Variants in CFTR observed in about 807,000 individuals in gnomAD.
The protein encoded by CFTR is CF transmembrane conductance regulator.
CFTR carries 181 observed loss-of-function variants against 171.6 expected under a neutral mutation model. The ratio of observed to expected loss-of-function variants is 1.05; its 90% CI spans 0.93 to 1.19. The LOEUF (loss-of-function observed/expected upper bound fraction) is 1.19. Among genes scored for constraint, CFTR ranks in the 50% most tolerant of loss-of-function variants. The pLI, the probability that CFTR is intolerant of heterozygous loss-of-function variation, is 0.00. For missense variants in CFTR, 1,968 were observed against 1,734.7 expected (o/e 1.13, Z -2.39); for synonymous variants, 583 against 608.0 (o/e 0.96, Z 0.60).
intron 23 of CFTR, among the ~76,000 whole-genome samples, chr7:117,647,101 G>T (rs1380570829): frequency 6.6e-6 from 1 of 151,956 alleles, no homozygotes; most frequent in Non-Finnish European, 1.5e-5. Context: ...TAGCTACTTT[G>T]TTCTAACTAA....
intron 1 of CFTR, among the ~76,000 whole-genome samples, chr7:117,487,368 A>G (rs1197677045): frequency 6.6e-6 from 1 of 152,124 alleles, no homozygotes; most frequent in Non-Finnish European, 1.5e-5. Context: ...CTTAGAAATT[A>G]TACTTAGAAC....
rs1183713090 is a variant in CFTR, at chr7:117,537,893, T to C, written c.869+1220T>C. ...TCACACTTGCTCTCTGCATTACTCC[T>C]CTGCCTGCAAACACATATATAGCAA... On this transcript the variant is annotated intron_variant, in intron 7 of 26. Transcript: ENST00000003084. Among the ~76,000 whole-genome samples, 3 of 152,170 alleles carry C rather than the reference T, an allele frequency of 2.0e-5. No individual in the cohort carries two copies. The East Asian group carries it at 5.8e-4, about 29-fold the overall frequency.
At chr7:117,650,520 A>G (rs1240075740) in intron 23 of CFTR, among the ~76,000 whole-genome samples, 1 of 151,946 alleles carries the variant, frequency 6.6e-6, no homozygotes, top group Non-Finnish European at 1.5e-5. Context: ...CATCTTTGCA[A>G]GCCACATTGC....
rs1798909647 is a variant in CFTR, at chr7:117,534,251, A to G, written c.490-25A>G. 9.0e-7 allele frequency: 1 copy of G among 1,110,960 alleles called. No individual in the cohort carries two copies. Among genetic ancestry groups the G allele is most frequent in the Middle Eastern group, 2.1e-4 (1 of 4,838 alleles). 68.8% of individuals were successfully genotyped at this position (1,110,960 alleles called of 1,614,324 possible). A position where few individuals can be genotyped will look rare whatever the true frequency, so the allele number is the denominator to read the frequency against. ...TATTTGTATTTTGTTTGTTGAAATT[A>G]TCTAACTTTCCATTTTTCTTTTAGA... On this transcript the variant is annotated intron_variant, in intron 4 of 26. Coordinates refer to ENST00000003084, the MANE Select transcript of CFTR (RefSeq NM_000492.4).
At chr7:117,570,319 T>A (rs1322577925) in intron 11 of CFTR, among the ~76,000 whole-genome samples, 6 of 152,166 alleles carry the variant, frequency 3.9e-5, no homozygotes, top group African/African-American at 1.4e-4. Flanking sequence ...TTTTACAGCA[T>A]TCTAGCTATA....
At chr7:117,631,092 C>A (rs1792737122) in intron 22 of CFTR, among the ~76,000 whole-genome samples, 1 of 152,086 alleles carries the variant, frequency 6.6e-6, no homozygotes. Context: ...CCCACCTCAT[C>A]CTCCCAAAGT....
At chr7:117,619,760 A>G (rs1199144456) in intron 21 of CFTR, among the ~76,000 whole-genome samples, 1 of 152,334 alleles carries the variant, frequency 6.6e-6, no homozygotes, top group East Asian at 1.9e-4. Context: ...TGAGCAGGGA[A>G]GGCAATGAGT....
intron 11 of CFTR, among the ~76,000 whole-genome samples, chr7:117,560,129 A>T (rs908191004): frequency 6.6e-6 from 1 of 152,132 alleles, no homozygotes; most frequent in African/African-American, 2.4e-5. Context: ...GAGGGGTAAA[A>T]TTGTGAAGAT....
rs776878618 is a variant in CFTR at position 117,530,958 on chromosome 7, G to A, written c.333G>A (p.Pro111=). Residue 111 remains proline, a synonymous_variant, in exon 4 of 27, where the codon CCG becomes CCA. Coordinates refer to ENST00000003084, the MANE Select transcript of CFTR (RefSeq NM_000492.4). ...LLGRIIASYD[P]DNKEERSIAI... ...GAAGAATCATAGCTTCCTATGACCC[G>A]GATAACAAGGAGGAACGCTCTATCG... 9.3e-6 allele frequency: 15 copies of A among 1,613,626 alleles called. No homozygotes were observed. In the South Asian group the frequency reaches 1.2e-4, roughly 13 times the overall value.
chr7:117,635,870 A>G (rs1486118592), intron 22 of CFTR, among the ~76,000 whole-genome samples: 1 of 152,120 alleles, frequency 6.6e-6, no homozygotes, highest in Non-Finnish European at 1.5e-5. Flanking sequence ...TTTTGAAAAA[A>G]CTGTTATCGT....
intron 10 of CFTR, among the ~76,000 whole-genome samples, chr7:117,552,666 G>A (rs1295267539): frequency 6.6e-6 from 1 of 151,948 alleles, no homozygotes; most frequent in African/African-American, 2.4e-5. Context: ...AGCCAATCCA[G>A]GTAACTTTTT....
chr7:117,598,984 A>G (rs938649311), intron 15 of CFTR, among the ~76,000 whole-genome samples: 3 of 152,184 alleles, frequency 2.0e-5, no homozygotes, highest in African/African-American at 7.2e-5. Flanking sequence ...ATAAAACTTG[A>G]GATAGTATGA....
intron 20 of CFTR, among the ~76,000 whole-genome samples, chr7:117,613,379 A>G (rs1467503834): frequency 6.6e-6 from 1 of 152,130 alleles, no homozygotes; most frequent in Non-Finnish European, 1.5e-5. Context: ...CCACCCAGCT[A>G]TTATTATCCC....
Position 117,577,494 on chromosome 7 carries a change from T to TC in CFTR, c.1585-10243dup, listed in dbSNP as rs568818759. Among the ~76,000 whole-genome samples, 131 of 152,286 alleles carry TC rather than the reference T, an allele frequency of 8.6e-4. 2 individuals carry two copies. The South Asian group carries it at 0.025, about 29-fold the overall frequency. On this transcript the variant is annotated intron_variant, in intron 11 of 26. Coordinates refer to ENST00000003084, the MANE Select transcript of CFTR (RefSeq NM_000492.4). ...TATTAACTGAGGAAAAAAAGGGCTT[T>TC]CCTGAATTTTGCAGTCATGGGATAT...
intron 3 of CFTR, among the ~76,000 whole-genome samples, chr7:117,513,023 A>G (rs1264797630): frequency 6.6e-6 from 1 of 152,160 alleles, no homozygotes; most frequent in East Asian, 1.9e-4. Flanking sequence ...TTGGATGAAA[A>G]CATTGGGTAG....
intron 22 of CFTR, among the ~76,000 whole-genome samples, chr7:117,639,797 A>C (rs1291921540): frequency 6.6e-6 from 1 of 152,192 alleles, no homozygotes; most frequent in Non-Finnish European, 1.5e-5. Flanking sequence ...TCTCAATACT[A>C]TGTTTCATTA....
intron 17 of CFTR, chr7:117,604,924 T>C (rs886403944): frequency 1.3e-5 from 2 of 152,246 alleles, no homozygotes; most frequent in African/African-American, 4.8e-5. Flanking sequence ...TTGCCTGAGC[T>C]CTGAGTTGGC....
chr7:117,630,786 T>A (rs1792728246), intron 22 of CFTR, among the ~76,000 whole-genome samples: 1 of 151,950 alleles, frequency 6.6e-6, no homozygotes, highest in Non-Finnish European at 1.5e-5. Context: ...TGAGGGGTGG[T>A]TCGGAGATTC....
chr7:117,518,713 G>A (rs1798639417), intron 3 of CFTR, among the ~76,000 whole-genome samples: 1 of 151,534 alleles, frequency 6.6e-6, no homozygotes, highest in Non-Finnish European at 1.5e-5. Context: ...TTTCAGACAT[G>A]AGACACTGCA....
Sources: gnomAD v4.1 joint callset for allele counts (sites outside exome capture counted in the v4.1 genomes callset) on GRCh38, gnomAD v4.1.1 for gene constraint, MANE v1.5 for transcripts, NCBI Gene and HGNC (gene_info 2026-07-23, HGNC 2026-07-21) for gene names.